The following NEK10 variants were observed in gnomAD, a reference collection of about 807,000 sequenced individuals.
NEK10 encodes the protein NIMA related kinase 10.
In NEK10, 122 loss-of-function variants were observed where a neutral mutation model predicts 159.8. The ratio of observed to expected loss-of-function variants is 0.76; its 90% CI spans 0.66 to 0.89. The LOEUF (loss-of-function observed/expected upper bound fraction) is 0.89, where lower values mean the gene tolerates loss of function less well. Among genes scored for constraint, NEK10 ranks in the 40% least tolerant of loss-of-function variants. The probability of loss-of-function intolerance (pLI) is 0.00; values close to 1 mark genes in which losing one functional copy is unlikely to be tolerated. For synonymous variants in NEK10, 466 were observed against 457.1 expected (o/e 1.02, Z -0.25); for missense variants, 1,342 against 1,323.1 (o/e 1.01, Z -0.22).
At chr3:27,251,066 T>C (rs2034190) in intron 23 of NEK10, among the ~76,000 whole-genome samples, 96,615 of 152,050 alleles carry the variant, frequency 0.64, 33,057 homozygotes, top group African/African-American at 0.91. Context: ...TCCCAGCATG[T>C]GACATGTATC....
At chr3:27,310,889 C>A in intron 9 of NEK10, 60 bp downstream of exon 9, 1 of 1,060,448 alleles carries the variant, frequency 9.4e-7, no homozygotes, top group South Asian at 1.3e-5. Context: ...CTCTGAACTT[C>A]CCTAATGTGA....
chr3:27,287,814 T>C, intron 19 of NEK10, 71 bp from the exon 20 acceptor site: 2 of 1,407,566 alleles, frequency 1.4e-6, no homozygotes, highest in South Asian at 3.0e-5. Flanking sequence ...GACTACTTAG[T>C]TGGACTTCAT....
At chr3:27,267,449 G>A (rs1463868123) in intron 22 of NEK10, among the ~76,000 whole-genome samples, 1 of 152,034 alleles carries the variant, frequency 6.6e-6, no homozygotes, top group African/African-American at 2.4e-5. Flanking sequence ...AAGCCTATGA[G>A]CACCATTTTT....
chr3:27,227,926 T>A (rs1187055753), intron 23 of NEK10, among the ~76,000 whole-genome samples: 2 of 152,122 alleles, frequency 1.3e-5, no homozygotes, highest in African/African-American at 2.4e-5. Flanking sequence ...TCGAAAAGCA[T>A]CCAAGTTAAA....
rs1336493213 is a variant in NEK10, at chr3:27,106,535, T to A, written c.*4737A>T. Among the ~76,000 whole-genome samples, 2 of 152,220 alleles carry A rather than the reference T, an allele frequency of 1.3e-5. No homozygotes were observed. Among genetic ancestry groups the A allele is most frequent in the African/African-American group, 4.8e-5 (2 of 41,460 alleles). ...TTAATAGCCATTTACAAGCTTTATA[T>A]TCTATTTCAGAATCTTGACTCAAAT... On this transcript the variant is annotated 3_prime_UTR_variant, in exon 36 of 36. Transcript: ENST00000691995.
In NEK10 at chr3:27,135,947, G is replaced by A. The variant is rs535119035; in HGVS notation, c.2971-3957C>T. 5.3e-5 allele frequency among the ~76,000 whole-genome samples: 8 copies of A among 152,096 alleles called. No homozygotes were observed. The South Asian group carries it at 6.2e-4, about 12-fold the overall frequency. The stretch of plus-strand genomic sequence containing the variant: ...CACTACTGCTGAAAAAACACAGAAC[G>A]TTTCACCAATGACAGTCAGTAGTAT... On this transcript the variant is annotated intron_variant, in intron 31 of 35. Coordinates refer to ENST00000691995, the MANE Select transcript of NEK10 (RefSeq NM_001394966.1).
chr3:27,192,967 TTA>T (rs1477156018), intron 25 of NEK10, among the ~76,000 whole-genome samples: 5 of 152,270 alleles, frequency 3.3e-5, no homozygotes, highest in African/African-American at 1.2e-4. Flanking sequence ...CATTTACCAT[TTA>T]TTAGTCAGAT....
intron 23 of NEK10, among the ~76,000 whole-genome samples, chr3:27,219,960 A>T (rs1429695722): frequency 6.6e-6 from 1 of 152,226 alleles, no homozygotes; most frequent in East Asian, 1.9e-4. Context: ...TAAGAAAACA[A>T]TTTATTTACA....
At chr3:27,257,211 G>A (rs1004049639) in intron 22 of NEK10, among the ~76,000 whole-genome samples, 34 of 152,156 alleles carry the variant, frequency 2.2e-4, no homozygotes, top group African/African-American at 8.0e-4. Flanking sequence ...ACCAGGCCCA[G>A]CCTGTCTTTT....
intron 30 of NEK10, among the ~76,000 whole-genome samples, chr3:27,142,491 T>C (rs1362067298): frequency 6.6e-6 from 1 of 151,810 alleles, no homozygotes; most frequent in African/African-American, 2.4e-5. Flanking sequence ...ATAAAACTTC[T>C]CTTGCTAATT....
intron 22 of NEK10, among the ~76,000 whole-genome samples, chr3:27,271,943 C>A (rs987071603): frequency 6.6e-6 from 1 of 152,082 alleles, no homozygotes; most frequent in Non-Finnish European, 1.5e-5. Flanking sequence ...TACACTATAG[C>A]CCTACAATTA....
At chr3:27,154,450 C>T (rs143580492) in intron 30 of NEK10, among the ~76,000 whole-genome samples, 2,027 of 152,184 alleles carry the variant, frequency 0.013, 38 homozygotes, top group African/African-American at 0.046. Context: ...CATTCTATGA[C>T]GCCAGCATCG....
At position 27,311,011 on chromosome 3, in the gene NEK10, A is replaced by G. The variant is rs2044649897; in HGVS notation, c.574T>C (p.Phe192Leu). The G allele has an allele frequency of 4.4e-6, 7 of 1,605,216 alleles. No individual in the cohort carries two copies. The highest frequency in any genetic ancestry group is 6.0e-6 in the Non-Finnish European group (7 of 1,172,304). ...TCTTTGACTGCAGCAAGTTTTTGAA[A>G]AATATCTATAAAGGAAAGAAAGAGC... is the stretch of plus-strand genomic sequence containing the variant. ...VDKLVNMTYIFQKLAAVKDQR... is the reference protein window; with the variant it reads ...VDKLVNMTYILQKLAAVKDQR... The change falls in exon 9 of 36, where the codon TTT becomes CTT. Residue 192 changes from phenylalanine to leucine, a missense_variant. Physicochemically the swap from Phe to Leu is conservative, Grantham distance 22. Coordinates refer to ENST00000691995, the MANE Select transcript of NEK10 (RefSeq NM_001394966.1).
At chr3:27,153,400 G>A (rs932486110) in intron 30 of NEK10, among the ~76,000 whole-genome samples, 3 of 151,002 alleles carry the variant, frequency 2.0e-5, no homozygotes, top group Non-Finnish European at 4.4e-5. Flanking sequence ...AGGTTATCAA[G>A]ACAGAAAGTC....
intron 14 of NEK10, among the ~76,000 whole-genome samples, chr3:27,296,473 C>G (rs776897890): frequency 4.6e-5 from 7 of 152,142 alleles, no homozygotes; most frequent in Non-Finnish European, 1.0e-4. Flanking sequence ...CTGAGTTTCT[C>G]TTATGTCCTA....
intron 11 of NEK10, among the ~76,000 whole-genome samples, chr3:27,305,459 G>A (rs2044165253): frequency 6.6e-6 from 1 of 151,988 alleles, no homozygotes; most frequent in South Asian, 2.1e-4. Flanking sequence ...AGGAGGCAGA[G>A]GTTGCAGTGA....
chr3:27,204,295 G>GTTTT (rs1950306350), intron 23 of NEK10, among the ~76,000 whole-genome samples: 3 of 73,990 alleles, frequency 4.1e-5, no homozygotes, highest in East Asian at 3.7e-4. Flanking sequence ...TTTTTTTTTT[G>GTTTT]TTGTTGTTTT....
chr3:27,129,655 A>G (rs912403565), intron 32 of NEK10, among the ~76,000 whole-genome samples: 5 of 152,188 alleles, frequency 3.3e-5, no homozygotes, highest in African/African-American at 9.6e-5. Flanking sequence ...CAGAATATAT[A>G]TTAATGTATT....
At chr3:27,113,111 C>T (rs987859399) in intron 35 of NEK10, among the ~76,000 whole-genome samples, 1 of 152,120 alleles carries the variant, frequency 6.6e-6, no homozygotes, top group Non-Finnish European at 1.5e-5. Flanking sequence ...GAGTTTTTCT[C>T]CCAAGATATG....
Sources: gnomAD v4.1 joint callset for allele counts (sites outside exome capture counted in the v4.1 genomes callset) on GRCh38, gnomAD v4.1.1 for gene constraint, MANE v1.5 for transcripts, NCBI Gene and HGNC (gene_info 2026-07-23, HGNC 2026-07-21) for gene names.